KCNQ5: variants seen among roughly 807,000 people sequenced by gnomAD.
KCNQ5 encodes the protein potassium voltage-gated channel subfamily KQT member 5.
Under a neutral mutation model 98.2 loss-of-function variants are expected in KCNQ5, and 30 were observed. That is an observed-to-expected ratio of 0.31 (90% CI 0.23 to 0.41). The LOEUF is 0.41. Among genes scored for constraint, KCNQ5 ranks in the 10% least tolerant of loss-of-function variants. KCNQ5 has a pLI of 1.00. For synonymous variants in KCNQ5, 458 were observed against 449.4 expected (o/e 1.02, Z -0.24); for missense variants, 835 against 1,182.5 (o/e 0.71, Z 4.31).
chr6:72,632,832 T>G (rs1220887313), intron 1 of KCNQ5, among the ~76,000 whole-genome samples: 1 of 146,320 alleles, frequency 6.8e-6, no homozygotes, highest in African/African-American at 2.5e-5. Context: ...CAAACCACCA[T>G]TGATGGGCAC....
intron 2 of KCNQ5, among the ~76,000 whole-genome samples, chr6:73,030,092 C>A (rs946397271): frequency 6.6e-6 from 1 of 151,830 alleles, no homozygotes; most frequent in Non-Finnish European, 1.5e-5. Context: ...ATAAAAGAGA[C>A]TGCATATATT....
intron 1 of KCNQ5, among the ~76,000 whole-genome samples, chr6:72,718,445 C>CT (rs1032425332): frequency 0.019 from 1,350 of 71,478 alleles, 209 homozygotes; most frequent in African/African-American, 0.024. Context: ...CCTTTCTGCT[C>CT]TTTTTTTTTT....
At chr6:72,956,502 T>C (rs1767064740) in intron 1 of KCNQ5, among the ~76,000 whole-genome samples, 2 of 150,320 alleles carry the variant, frequency 1.3e-5, no homozygotes, top group Admixed American at 1.3e-4. Flanking sequence ...TTTTTTTTTT[T>C]TTTTGAAGCT....
chr6:72,646,723 A>G (rs1289574391), intron 1 of KCNQ5, among the ~76,000 whole-genome samples: 1 of 152,214 alleles, frequency 6.6e-6, no homozygotes, highest in Non-Finnish European at 1.5e-5. Flanking sequence ...TCATTTGCCC[A>G]TAAGCATACA....
intron 1 of KCNQ5, among the ~76,000 whole-genome samples, chr6:72,886,790 A>G (rs1331139645): frequency 7.2e-5 from 11 of 152,146 alleles, no homozygotes; most frequent in Admixed American, 7.2e-4. Flanking sequence ...AATTACTGAC[A>G]GGTGTAATTG....
chr6:72,925,576 C>T (rs987344051), intron 1 of KCNQ5, among the ~76,000 whole-genome samples: 46 of 152,120 alleles, frequency 3.0e-4, no homozygotes, highest in African/African-American at 1.1e-3. Flanking sequence ...GTATATAATA[C>T]ACTGGGGATA....
chr6:73,077,697 G>T, intron 4 of KCNQ5, 65 bp from the exon 5 acceptor site: 3 of 1,465,880 alleles, frequency 2.0e-6, no homozygotes, highest in South Asian at 1.2e-5. Flanking sequence ...AATCCTCATA[G>T]AATTCTTTTT....
chr6:72,814,656 T>A (rs924471413), intron 1 of KCNQ5, among the ~76,000 whole-genome samples: 15 of 152,336 alleles, frequency 9.8e-5, no homozygotes, highest in Middle Eastern at 3.4e-3. Flanking sequence ...ATTAATTTTT[T>A]AATTCAAATC....
At chr6:72,757,427 C>A (rs577553147) in intron 1 of KCNQ5, among the ~76,000 whole-genome samples, 12 of 152,114 alleles carry the variant, frequency 7.9e-5, no homozygotes, top group Admixed American at 3.3e-4. Flanking sequence ...TATCATTAAT[C>A]AAAAATGAAT....
chr6:72,704,367 G>A (rs527457682), intron 1 of KCNQ5, among the ~76,000 whole-genome samples: 1 of 151,936 alleles, frequency 6.6e-6, no homozygotes, highest in South Asian at 2.1e-4. Context: ...CATTCACAAT[G>A]TGCATGCTCT....
intron 10 of KCNQ5, among the ~76,000 whole-genome samples, chr6:73,142,784 C>T (rs897081601): frequency 1.3e-5 from 2 of 151,928 alleles, no homozygotes; most frequent in African/African-American, 2.4e-5. Context: ...GGCGTGGTGG[C>T]GGGCACCTGT....
chr6:72,942,740 G>A (rs192799250), intron 1 of KCNQ5, among the ~76,000 whole-genome samples: 86 of 152,258 alleles, frequency 5.6e-4, no homozygotes, highest in African/African-American at 1.7e-3. Flanking sequence ...GAATGACTGC[G>A]GTAGGGGCAG....
chr6:73,163,209 C>T (rs1198890711), intron 10 of KCNQ5, among the ~76,000 whole-genome samples: 1 of 151,026 alleles, frequency 6.6e-6, no homozygotes, highest in African/African-American at 2.4e-5. Context: ...GGCAACATAA[C>T]AAGACCTCTC....
At chr6:72,874,917 T>G (rs895273614) in intron 1 of KCNQ5, among the ~76,000 whole-genome samples, 6 of 152,222 alleles carry the variant, frequency 3.9e-5, no homozygotes, top group Non-Finnish European at 8.8e-5. Context: ...CAATTATTAT[T>G]TTCTTTAAAT....
chr6:72,826,236 G>GT (rs1343157506), intron 1 of KCNQ5, among the ~76,000 whole-genome samples: 5 of 152,138 alleles, frequency 3.3e-5, no homozygotes, highest in African/African-American at 1.2e-4. Flanking sequence ...TTAGTCACCA[G>GT]TTACCCTTCC....
chr6:72,646,727 G>A (rs1185107815), intron 1 of KCNQ5, among the ~76,000 whole-genome samples: 1 of 152,198 alleles, frequency 6.6e-6, no homozygotes, highest in African/African-American at 2.4e-5. Flanking sequence ...TTGCCCATAA[G>A]CATACATTGC....
chr6:72,839,355 T>C (rs1776683635), intron 1 of KCNQ5, among the ~76,000 whole-genome samples: 1 of 152,256 alleles, frequency 6.6e-6, no homozygotes, highest in African/African-American at 2.4e-5. Context: ...TAATAGCTGC[T>C]TTAAAATATT....
At chr6:72,858,411 T>G (rs1328800390) in intron 1 of KCNQ5, among the ~76,000 whole-genome samples, 1 of 152,014 alleles carries the variant, frequency 6.6e-6, no homozygotes, top group Admixed American at 6.5e-5. Context: ...AGAGACTGTT[T>G]TGCTGACACA....
chr6:73,090,722 T>C (rs1774210995), intron 5 of KCNQ5, among the ~76,000 whole-genome samples: 1 of 152,102 alleles, frequency 6.6e-6, no homozygotes, highest in Non-Finnish European at 1.5e-5. Flanking sequence ...TATGAAAAAA[T>C]GCTCATCATC....
Sources: gnomAD v4.1 joint callset for allele counts (sites outside exome capture counted in the v4.1 genomes callset) on GRCh38, gnomAD v4.1.1 for gene constraint, MANE v1.5 for transcripts, NCBI Gene and HGNC (gene_info 2026-07-23, HGNC 2026-07-21) for gene names.